The following MARCHF6 variants were observed in gnomAD, a reference collection of about 807,000 sequenced individuals.
MARCHF6 encodes the protein E3 ubiquitin-protein ligase MARCHF6.
In MARCHF6, 31 loss-of-function variants were observed where a neutral mutation model predicts 133.7. The ratio of observed to expected loss-of-function variants is 0.23; its 90% CI spans 0.17 to 0.31. The LOEUF (loss-of-function observed/expected upper bound fraction) is 0.31, where lower values mean the gene tolerates loss of function less well. Ranked by LOEUF, MARCHF6 falls within the 10% of genes least tolerant of loss-of-function variation. MARCHF6 has a pLI of 1.00. For synonymous variants in MARCHF6, 395 were observed against 402.5 expected (o/e 0.98, Z 0.22); for missense variants, 723 against 1,121.6 (o/e 0.64, Z 5.08).
intron 9 of MARCHF6, among the ~76,000 whole-genome samples, chr5:10,395,931 A>G (rs1738164190): frequency 6.6e-6 from 1 of 152,170 alleles, no homozygotes; most frequent in African/African-American, 2.4e-5. Context: ...TCATGGTTTG[A>G]TCACAGTCAG....
chr5:10,413,032 TAA>T (rs1739317697), intron 19 of MARCHF6, among the ~76,000 whole-genome samples: 3 of 152,128 alleles, frequency 2.0e-5, no homozygotes, highest in Non-Finnish European at 4.4e-5. Flanking sequence ...AGGAACCAGA[TAA>T]TGGAGCACCT....
At chr5:10,394,390 T>G (rs892979292) in intron 8 of MARCHF6, among the ~76,000 whole-genome samples, 1 of 152,200 alleles carries the variant, frequency 6.6e-6, no homozygotes, top group Non-Finnish European at 1.5e-5. Flanking sequence ...TGTGGACTTT[T>G]GAAAAACAAA....
At chr5:10,402,951 C>T (rs920705661) in intron 14 of MARCHF6, among the ~76,000 whole-genome samples, 1 of 152,092 alleles carries the variant, frequency 6.6e-6, no homozygotes, top group Non-Finnish European at 1.5e-5. Context: ...ATAAATTTAA[C>T]CCTAATCATT....
chr5:10,415,695 T>G, intron 21 of MARCHF6, 26 bp downstream of exon 21: 1 of 1,558,140 alleles, frequency 6.4e-7, no homozygotes, highest in Non-Finnish European at 8.7e-7. Flanking sequence ...ACAAGACTGA[T>G]CTTGTATGTT....
chr5:10,378,056 T>C (rs960898433), intron 2 of MARCHF6, among the ~76,000 whole-genome samples, 162 bp downstream of exon 2: 8 of 152,194 alleles, frequency 5.3e-5, no homozygotes, highest in African/African-American at 1.9e-4. Flanking sequence ...ATTGTAAAAA[T>C]TAAAAAATTT....
chr5:10,407,256 G>C (rs1163139116), intron 17 of MARCHF6, 54 bp downstream of exon 17: 2 of 881,380 alleles, frequency 2.3e-6, no homozygotes, highest in African/African-American at 3.4e-5. Context: ...TTAGGGATTT[G>C]ATGTTCAGAT....
intron 24 of MARCHF6, among the ~76,000 whole-genome samples, chr5:10,428,699 A>G (rs950768790): frequency 5.9e-5 from 9 of 152,206 alleles, no homozygotes; most frequent in African/African-American, 1.4e-4. Flanking sequence ...CTTTAGAACA[A>G]TCTCTTTACT....
At chr5:10,411,245 A>G (rs1464204387) in intron 18 of MARCHF6, 88 bp from the exon 19 acceptor site, 71 of 997,088 alleles carry the variant, frequency 7.1e-5, no homozygotes, top group Non-Finnish European at 1.1e-4. Flanking sequence ...TTCTACCCTT[A>G]GTAGTAAATA....
At position 10,393,268 on chromosome 5, in the gene MARCHF6, G is replaced by A. The variant is rs568360107; in HGVS notation, c.767-814G>A. Reference sequence around the variant, plus strand: ...GTTTTTGTTTTCTTGGTAGAGATGGGTTCTCCCTGTTGTCCTGGCTGGTCT... The same window carrying A: ...GTTTTTGTTTTCTTGGTAGAGATGGATTCTCCCTGTTGTCCTGGCTGGTCT... On this transcript the variant is annotated intron_variant, in intron 7 of 25. Coordinates refer to ENST00000274140, the MANE Select transcript of MARCHF6 (RefSeq NM_005885.4). Among the ~76,000 whole-genome samples the A allele has an allele frequency of 5.9e-5, 9 of 152,162 alleles. No homozygotes were observed. The South Asian group carries it at 1.9e-3, about 32-fold the overall frequency.
intron 22 of MARCHF6, 69 bp from the exon 23 acceptor site, chr5:10,423,666 T>A: frequency 1.0e-6 from 1 of 992,358 alleles, no homozygotes. Context: ...AAGAAAATTA[T>A]ACAGCCTCTC....
chr5:10,402,482 A>G, intron 13 of MARCHF6, 30 bp downstream of exon 13: 1 of 1,612,768 alleles, frequency 6.2e-7, no homozygotes. Flanking sequence ...AAAATTGGAA[A>G]TGATTTCTCC....
rs750919603 is a variant in MARCHF6, at chr5:10,390,309, A to T, written c.408-23A>T. The T allele has an allele frequency of 3.1e-6, 5 of 1,597,988 alleles. No individual in the cohort carries two copies. The South Asian group carries it at 5.6e-5, about 18-fold the overall frequency. On this transcript the variant is annotated intron_variant, in intron 5 of 25. Coordinates refer to ENST00000274140, the MANE Select transcript of MARCHF6 (RefSeq NM_005885.4). ...ATTTTAAGTCTTCTTTGGAGTAATT[A>T]TATGTACTTTTTTTTTTAATAGGGA...
intron 1 of MARCHF6, among the ~76,000 whole-genome samples, chr5:10,357,526 A>G (rs1423688946): frequency 6.6e-6 from 1 of 152,178 alleles, no homozygotes; most frequent in Non-Finnish European, 1.5e-5. Context: ...ATCATGTTCT[A>G]TATCACTATG....
At position 10,433,840 on chromosome 5, in the gene MARCHF6, C is replaced by T. The variant is rs1740483344; in HGVS notation, c.*156C>T. 4.7e-6 allele frequency: 3 copies of T among 632,172 alleles called. No individual in the cohort carries two copies. Among genetic ancestry groups the T allele is most frequent in the Non-Finnish European group, 2.8e-6 (1 of 353,726 alleles). The allele number at this position is 632,172 out of a possible 1,614,324, so 39.2% of individuals were successfully genotyped here. A position where few individuals can be genotyped will look rare whatever the true frequency, so the allele number is the denominator to read the frequency against. On this transcript the variant is annotated 3_prime_UTR_variant, in exon 26 of 26. Coordinates refer to ENST00000274140, the MANE Select transcript of MARCHF6 (RefSeq NM_005885.4). ...ATTCAGAGAGCAGCGGTGTAAGATT[C>T]TGCTGTTCTCCCTGGATCTTCTGAC... is the stretch of plus-strand genomic sequence containing the variant.
At chr5:10,390,812 CATGTATGTATAT>C (rs1447629832) in intron 6 of MARCHF6, among the ~76,000 whole-genome samples, 1 of 152,074 alleles carries the variant, frequency 6.6e-6, no homozygotes, top group African/African-American at 2.4e-5. Flanking sequence ...GATGACAGAG[CATGTATGTATAT>C]ATGTATGTAC....
Position 10,403,430 on chromosome 5 carries a change from A to G in MARCHF6, c.1221A>G (p.Lys407=). 2 of 1,613,854 alleles carry G rather than the reference A, an allele frequency of 1.2e-6. No individual in the cohort carries two copies. The highest frequency in any genetic ancestry group is 1.1e-5 in the South Asian group (1 of 91,050). The change falls in exon 15 of 26, where the codon AAA becomes AAG. Residue 407 remains lysine (K), a synonymous_variant. Transcript: ENST00000274140. ...CSLEMFDATL[K]DRELSFQSAP... ...AGGAAATGTTTGATGCTACTCTGAAAGATCGAGAACTGAGCTTTCAGTCGG... is the reference window on the plus strand; with the variant it reads ...AGGAAATGTTTGATGCTACTCTGAAGGATCGAGAACTGAGCTTTCAGTCGG...
chr5:10,392,927 C>T (rs1029268785), intron 7 of MARCHF6, among the ~76,000 whole-genome samples: 2 of 152,140 alleles, frequency 1.3e-5, no homozygotes, highest in Non-Finnish European at 2.9e-5. Context: ...AGACACTGAG[C>T]ATATAACTGT....
At chr5:10,391,989 C>A (rs564701229) in intron 7 of MARCHF6, among the ~76,000 whole-genome samples, 1 of 144,918 alleles carries the variant, frequency 6.9e-6, no homozygotes. Flanking sequence ...GACTGAGTCT[C>A]GCTCTGTCGC....
At chr5:10,412,507 C>T (rs1271236033) in intron 19 of MARCHF6, among the ~76,000 whole-genome samples, 2 of 152,126 alleles carry the variant, frequency 1.3e-5, no homozygotes, top group Admixed American at 1.3e-4. Context: ...GTGGGAAGGG[C>T]ATTCCAGGAA....
Sources: allele counts gnomAD v4.1 joint callset (sites outside exome capture counted in the v4.1 genomes callset), GRCh38; gene constraint gnomAD v4.1.1; transcripts MANE v1.5; gene names NCBI Gene and HGNC (gene_info 2026-07-23, HGNC 2026-07-21).